The following C5orf47 variants were observed in gnomAD, a reference collection of about 807,000 sequenced individuals.
C5orf47 encodes uncharacterized protein C5orf47.
In C5orf47, 20 loss-of-function variants were observed where a neutral mutation model predicts 20.6. The observed-to-expected ratio is 0.97, with a 90% CI of 0.68 to 1.41. C5orf47 has a LOEUF of 1.41. Ranked by LOEUF, C5orf47 falls within the 40% of genes most tolerant of loss-of-function variation. The pLI is 0.00. For synonymous variants in C5orf47, 106 were observed against 97.3 expected (o/e 1.09, Z -0.53); for missense variants, 262 against 238.4 (o/e 1.10, Z -0.65).
downstream of C5orf47, among the ~76,000 whole-genome samples, chr5:174,006,472 C>T (rs576008668): frequency 2.0e-5 from 3 of 151,860 alleles, no homozygotes; most frequent in African/African-American, 2.4e-5. Context: ...TTCAGGTAAA[C>T]GTTCATGAGA....
At chr5:174,000,934 C>T (rs1581197169) in intron 3 of C5orf47, among the ~76,000 whole-genome samples, 1 of 152,260 alleles carries the variant, frequency 6.6e-6, no homozygotes, top group South Asian at 2.1e-4. Context: ...TTTTCTGCCT[C>T]AGCAAGAGGC....
At position 174,004,998 on chromosome 5, in the gene C5orf47, G is replaced by C. The variant is rs1256357823; in HGVS notation, c.*744G>C. 6.6e-6 allele frequency: 1 copy of C among 152,140 alleles called. No homozygotes were observed. The highest frequency in any genetic ancestry group is 6.5e-5 in the Admixed American group (1 of 15,268). 9.4% of individuals were successfully genotyped at this position (152,140 alleles called of 1,614,324 possible). On this transcript the variant is annotated 3_prime_UTR_variant, in exon 5 of 5. Coordinates refer to ENST00000340147, the MANE Select transcript of C5orf47 (RefSeq NM_001144954.2). ...TTAGAATTCTGAAAATCATTTAGAA[G>C]TATTGTTTAATAAGTCCTTTTTTTC...
intron 1 of C5orf47, among the ~76,000 whole-genome samples, chr5:173,993,293 T>C (rs1263348040): frequency 6.6e-6 from 1 of 152,160 alleles, no homozygotes; most frequent in South Asian, 2.1e-4. Flanking sequence ...GTGTGGTTTT[T>C]GCTTGCTATT....
chr5:173,999,164 T>C (rs1334322035), intron 2 of C5orf47, among the ~76,000 whole-genome samples: 1 of 152,202 alleles, frequency 6.6e-6, no homozygotes, highest in African/African-American at 2.4e-5. Context: ...CCCAGGCAAC[T>C]GGAAAATGGC....
At chr5:173,995,087 A>G (rs1441544555) in intron 1 of C5orf47, among the ~76,000 whole-genome samples, 1 of 152,238 alleles carries the variant, frequency 6.6e-6, no homozygotes, top group African/African-American at 2.4e-5. Context: ...TGCTGGGATT[A>G]CAGGCGTGAA....
At position 173,989,239 on chromosome 5, in the gene C5orf47, C is replaced by T; in HGVS notation, c.-25C>T. 4 of 1,372,794 alleles carry T rather than the reference C, an allele frequency of 2.9e-6. No homozygotes were observed. Among genetic ancestry groups the T allele is most frequent in the Admixed American group, 3.5e-5 (1 of 28,244 alleles). The allele number at this position is 1,372,794 out of a possible 1,614,324, so 85.0% of individuals were successfully genotyped here. A position where few individuals can be genotyped will look rare whatever the true frequency, so the allele number is the denominator to read the frequency against. On this transcript the variant is annotated 5_prime_UTR_variant, in exon 1 of 5. Coordinates refer to ENST00000340147, the MANE Select transcript of C5orf47 (RefSeq NM_001144954.2). ...CTGTGGCGTCGTGTTTGCTGAGGGC[C>T]CGGCTGCCGTTGACTGAGGCTGCGA...
At chr5:174,002,594 C>A (rs1440562007) in intron 4 of C5orf47, among the ~76,000 whole-genome samples, 5 of 113,498 alleles carry the variant, frequency 4.4e-5, no homozygotes, top group South Asian at 2.6e-4. Context: ...CTTGCTCATT[C>A]TTCTTCTCTC....
At chr5:173,997,047 A>G (rs187418035) in intron 1 of C5orf47, among the ~76,000 whole-genome samples, 11 of 152,238 alleles carry the variant, frequency 7.2e-5, no homozygotes, top group African/African-American at 1.7e-4. Context: ...ATTCTAGTTT[A>G]TTCAACAAAT....
At chr5:173,989,638 CGGA>C in intron 1 of C5orf47, 50 bp downstream of exon 1, 1 of 1,329,452 alleles carries the variant, frequency 7.5e-7, no homozygotes, top group Non-Finnish European at 9.7e-7. Context: ...CGGGACGGGG[CGGA>C]GCGGGCTCAG....
downstream of C5orf47, among the ~76,000 whole-genome samples, chr5:174,007,399 A>G (rs530761834): frequency 3.9e-5 from 6 of 152,324 alleles, no homozygotes; most frequent in East Asian, 5.8e-4. Flanking sequence ...CTGCTTTGCT[A>G]GACAGTTGCC....
In C5orf47 at chr5:173,989,172, C is replaced by A; in HGVS notation, c.-92C>A. 8.4e-7 allele frequency: 1 copy of A among 1,185,654 alleles called. No individual in the cohort carries two copies. The highest frequency in any genetic ancestry group is 1.1e-6 in the Non-Finnish European group (1 of 935,364). 73.4% of individuals were successfully genotyped at this position (1,185,654 alleles called of 1,614,324 possible). ...TCCCCGCAGGGTGGTCTGGCCCTAACCGCTCCCGCATCCCTCGCCTGCACA... is the reference window on the plus strand; with the variant it reads ...TCCCCGCAGGGTGGTCTGGCCCTAAACGCTCCCGCATCCCTCGCCTGCACA... On this transcript the variant is annotated 5_prime_UTR_variant, in exon 1 of 5. Coordinates refer to ENST00000340147, the MANE Select transcript of C5orf47 (RefSeq NM_001144954.2).
intron 1 of C5orf47, among the ~76,000 whole-genome samples, chr5:173,997,714 G>A (rs189028641): frequency 2.7e-4 from 41 of 152,210 alleles, no homozygotes; most frequent in African/African-American, 8.9e-4. Context: ...GGGAGGGTGT[G>A]TGTGTGTGTG....
Position 173,998,229 on chromosome 5 carries a change from A to G in C5orf47, c.402A>G (p.Lys134=). 1 of 1,514,470 alleles carries G rather than the reference A, an allele frequency of 6.6e-7. No individual in the cohort carries two copies. The highest frequency in any genetic ancestry group is 1.4e-5 in the African/African-American group (1 of 72,010). 93.8% of individuals were successfully genotyped at this position (1,514,470 alleles called of 1,614,324 possible). The change falls in exon 2 of 5, where the codon AAA becomes AAG. Residue 134 remains lysine (K), a synonymous_variant. Transcript: ENST00000340147. ...ATGAAGCTTCCAAAATAATGAAGAA[A>G]AAGAAAAAGGTATATTGCTGTAAAG... ...PLNEASKIMK[K]KKKVLVWNRV... is the part of the protein sequence containing the mutation.
chr5:174,002,606 C>G (rs746733528), intron 4 of C5orf47, among the ~76,000 whole-genome samples: 1 of 152,056 alleles, frequency 6.6e-6, no homozygotes, highest in Admixed American at 6.5e-5. Context: ...TCTTCTCTCT[C>G]TGTGTGTAAA....
At chr5:173,999,486 A>C (rs934241993) in intron 2 of C5orf47, among the ~76,000 whole-genome samples, 14 of 152,138 alleles carry the variant, frequency 9.2e-5, no homozygotes, top group Admixed American at 3.9e-4. Flanking sequence ...TACTACAGGG[A>C]GGAAATTCTA....
rs745342223 is a variant in C5orf47, at chr5:173,989,300, G to GCGCGCTTCGTCTATGTGA, written c.47_64dup (p.Val16_Phe21dup). On this transcript the variant is annotated inframe_insertion, in exon 1 of 5. Transcript: ENST00000340147. ...AGGCCGGGGTCGGGAGCAGGACTCG[G>GCGCGCTTCGTCTATGTGA]CGCGCTTCGTCTATGTGACGCGCTT... The GCGCGCTTCGTCTATGTGA allele has an allele frequency of 7.1e-7, 1 of 1,402,294 alleles. No homozygotes were observed. The highest frequency in any genetic ancestry group is 1.6e-5 in the South Asian group (1 of 62,180). 86.9% of individuals were successfully genotyped at this position (1,402,294 alleles called of 1,614,324 possible).
chr5:174,008,324 C>G (rs116139012), downstream of C5orf47, among the ~76,000 whole-genome samples: 539 of 152,298 alleles, frequency 3.5e-3, 4 homozygotes, highest in African/African-American at 0.012. Flanking sequence ...TTGAATGAGA[C>G]ACAGTGCAGG....
At position 173,998,137 on chromosome 5, in the gene C5orf47, T is replaced by C; in HGVS notation, c.326-16T>C. The stretch of plus-strand genomic sequence containing the variant: ...CTTATATATGTTGACCTTTTCACTT[T>C]CTTCTTAAAAATTAGGTTTAATCCA... On this transcript the variant is annotated splice_polypyrimidine_tract_variant and intron_variant, in intron 1 of 4. Transcript: ENST00000340147. 1.4e-6 allele frequency: 2 copies of C among 1,441,580 alleles called. No individual in the cohort carries two copies. 89.3% of individuals were successfully genotyped at this position (1,441,580 alleles called of 1,614,324 possible).
At chr5:173,996,029 AGAT>A (rs1759092007) in intron 1 of C5orf47, among the ~76,000 whole-genome samples, 1 of 152,252 alleles carries the variant, frequency 6.6e-6, no homozygotes, top group South Asian at 2.1e-4. Flanking sequence ...ATGTAATGGA[AGAT>A]GATGAATGCT....
Sources: allele counts gnomAD v4.1 joint callset (sites outside exome capture counted in the v4.1 genomes callset), GRCh38; gene constraint gnomAD v4.1.1; transcripts MANE v1.5; gene names NCBI Gene and HGNC (gene_info 2026-07-23, HGNC 2026-07-21).